DNAH12: variants seen among roughly 807,000 people sequenced by gnomAD.
The protein encoded by DNAH12 is dynein axonemal heavy chain 12.
In DNAH12, 285 loss-of-function variants were observed where a neutral mutation model predicts 371.5. The observed-to-expected ratio is 0.77, with a 90% CI of 0.70 to 0.85. The LOEUF (loss-of-function observed/expected upper bound fraction) is 0.85, where lower values mean the gene tolerates loss of function less well. Ranked by LOEUF, DNAH12 falls within the 40% of genes least tolerant of loss-of-function variation. The probability of loss-of-function intolerance (pLI) is 0.00; values close to 1 mark genes in which losing one functional copy is unlikely to be tolerated. For missense variants in DNAH12, 3,611 were observed against 3,689.4 expected (o/e 0.98, Z 0.55); for synonymous variants, 1,200 against 1,213.0 (o/e 0.99, Z 0.22).
intron 32 of DNAH12, among the ~76,000 whole-genome samples, chr3:57,432,995 T>C (rs1293734883): frequency 6.6e-6 from 1 of 152,174 alleles, no homozygotes; most frequent in Non-Finnish European, 1.5e-5. Flanking sequence ...ATATACTGTA[T>C]ATAAACGCTG....
At chr3:57,483,772 C>T (rs2066833964) in intron 12 of DNAH12, among the ~76,000 whole-genome samples, 1 of 149,352 alleles carries the variant, frequency 6.7e-6, no homozygotes, top group African/African-American at 2.5e-5. Context: ...GTGGTGAAAC[C>T]CTGTCTCTAC....
At chr3:57,524,873 T>C (rs558849518) in intron 2 of DNAH12, among the ~76,000 whole-genome samples, 17 of 152,118 alleles carry the variant, frequency 1.1e-4, no homozygotes, top group Non-Finnish European at 2.1e-4. Context: ...TCTGGAGAAG[T>C]GGATTGAAAT....
In DNAH12 at chr3:57,293,858, T is replaced by C. The variant is rs755810223; in HGVS notation, c.11806A>G (p.Met3936Val). The C allele has an allele frequency of 5.8e-6, 9 of 1,550,538 alleles. No homozygotes were observed. The highest frequency in any genetic ancestry group is 4.9e-5 in the East Asian group (2 of 40,886). The change falls in exon 74 of 74, where the codon ATG becomes GTG. Residue 3936 changes from methionine to valine, a missense_variant. Physicochemically the swap from Met to Val is conservative, Grantham distance 21 (BLOSUM62 1). This residue lies in a region of DNAH12 where 2,266 missense variants were observed against 2,236.9 expected (regional missense o/e 1.01). Transcript: ENST00000495027. ...GTAGGTTGGTCTGTTTTTAACAACA[T>C]TGCAATGACAAAGTTAGTAGAATGT... is the stretch of plus-strand genomic sequence containing the variant. Reference protein sequence around the residue: ...TGHSTNFVIAMLLKTDQPTRH... With the variant: ...TGHSTNFVIAVLLKTDQPTRH...
intron 69 of DNAH12, among the ~76,000 whole-genome samples, chr3:57,307,554 G>A (rs900181262): frequency 6.6e-6 from 1 of 152,184 alleles, no homozygotes; most frequent in African/African-American, 2.4e-5. Context: ...TACTTTTAGA[G>A]GCCCTTAAAA....
At chr3:57,413,327 C>T (rs552609957) in intron 39 of DNAH12, among the ~76,000 whole-genome samples, 1 of 152,126 alleles carries the variant, frequency 6.6e-6, no homozygotes, top group Admixed American at 6.5e-5. Context: ...AGGATCTTTA[C>T]AGCAGTGAAA....
intron 73 of DNAH12, among the ~76,000 whole-genome samples, chr3:57,294,444 G>A (rs762302900): frequency 3.3e-5 from 5 of 152,082 alleles, no homozygotes; most frequent in Admixed American, 2.0e-4. Context: ...CAAAGTGCTG[G>A]GATTACAGGC....
At chr3:57,324,965 T>C (rs1294796229) in intron 62 of DNAH12, among the ~76,000 whole-genome samples, 2 of 152,202 alleles carry the variant, frequency 1.3e-5, no homozygotes, top group Non-Finnish European at 2.9e-5. Context: ...GTCTCGCTGA[T>C]TGCTAGCACA....
chr3:57,535,441 A>G (rs2068998476), intron 2 of DNAH12, among the ~76,000 whole-genome samples: 1 of 152,234 alleles, frequency 6.6e-6, no homozygotes, highest in South Asian at 2.1e-4. Context: ...GTTATCACTC[A>G]GCAAGAAGGC....
At chr3:57,489,859 A>T (rs2067057964) in intron 11 of DNAH12, among the ~76,000 whole-genome samples, 172 bp from the exon 12 acceptor site, 1 of 151,932 alleles carries the variant, frequency 6.6e-6, no homozygotes, top group Admixed American at 6.6e-5. Flanking sequence ...CTATTCTTTC[A>T]TTAAGGAATT....
At chr3:57,551,802 C>CA in the DNAH12 span, among the ~76,000 whole-genome samples, 2 of 129,006 alleles carry the variant, frequency 1.6e-5, no homozygotes, top group Admixed American at 7.6e-5. Flanking sequence ...AACAAGACAT[C>CA]AAAAAAATGA....
At chr3:57,360,552 G>A (rs1424931348) in intron 58 of DNAH12, among the ~76,000 whole-genome samples, 1 of 152,016 alleles carries the variant, frequency 6.6e-6, no homozygotes, top group Non-Finnish European at 1.5e-5. Context: ...GCCGGGTGTG[G>A]TGGCTTATGC....
In DNAH12 at chr3:57,324,169, T is replaced by G. The variant is rs530891849; in HGVS notation, c.9979-550A>C. 2.6e-5 allele frequency among the ~76,000 whole-genome samples: 4 copies of G among 152,228 alleles called. No individual in the cohort carries two copies. The South Asian group carries it at 8.3e-4, about 31-fold the overall frequency. On this transcript the variant is annotated intron_variant, in intron 62 of 73. Coordinates refer to ENST00000495027, the MANE Select transcript of DNAH12 (RefSeq NM_001366028.2). Reference sequence around the variant, plus strand: ...GTAAGCATGAAAGAACCTGAGTTTCTGGGTGATCTCAGGAGCAAGAGCTTC... The same window carrying G: ...GTAAGCATGAAAGAACCTGAGTTTCGGGGTGATCTCAGGAGCAAGAGCTTC...
Position 57,454,902 on chromosome 3 carries a change from A to G in DNAH12, c.3337-8T>C. 1.3e-6 allele frequency: 2 copies of G among 1,531,760 alleles called. No homozygotes were observed. The highest frequency in any genetic ancestry group is 2.5e-5 in the South Asian group (2 of 79,464). 94.9% of individuals were successfully genotyped at this position (1,531,760 alleles called of 1,614,324 possible). Reference sequence around the variant, plus strand: ...TGCAGATTCTGGATAAGCCTGAACAATTAAAATAAATTTCTAACTTTAAAA... The same window carrying G: ...TGCAGATTCTGGATAAGCCTGAACAGTTAAAATAAATTTCTAACTTTAAAA... On this transcript the variant is annotated splice_region_variant and splice_polypyrimidine_tract_variant and intron_variant, in intron 22 of 73. Coordinates refer to ENST00000495027, the MANE Select transcript of DNAH12 (RefSeq NM_001366028.2).
At chr3:57,426,462 T>A (rs2153363952) in intron 34 of DNAH12, among the ~76,000 whole-genome samples, 1 of 151,560 alleles carries the variant, frequency 6.6e-6, no homozygotes, top group East Asian at 1.9e-4. Context: ...ACGGGAAGGG[T>A]GGGGCGAGGA....
intron 62 of DNAH12, among the ~76,000 whole-genome samples, chr3:57,325,429 C>T (rs2061919740): frequency 6.6e-6 from 1 of 152,228 alleles, no homozygotes; most frequent in Non-Finnish European, 1.5e-5. Flanking sequence ...AACCACTGTT[C>T]TGCAAACACC....
chr3:57,401,739 T>G (rs2063873361), intron 43 of DNAH12, among the ~76,000 whole-genome samples: 1 of 146,380 alleles, frequency 6.8e-6, no homozygotes. Context: ...GAATAGAAGA[T>G]CAATACAAAA....
chr3:57,373,545 T>A (rs1575516964), intron 55 of DNAH12, among the ~76,000 whole-genome samples: 1 of 151,878 alleles, frequency 6.6e-6, no homozygotes, highest in African/African-American at 2.4e-5. Flanking sequence ...AGGCTGGTCT[T>A]GAACTCCCGA....
intron 62 of DNAH12, among the ~76,000 whole-genome samples, chr3:57,330,277 G>A (rs1183477856): frequency 6.6e-5 from 10 of 151,038 alleles, no homozygotes; most frequent in South Asian, 4.2e-4. Context: ...TGTTTATTGC[G>A]GCACTATTCA....
chr3:57,327,786 G>A (rs143494133), intron 62 of DNAH12, among the ~76,000 whole-genome samples: 2,357 of 71,486 alleles, frequency 0.033, no homozygotes, highest in African/African-American at 0.047. Context: ...TTTTTTGAAA[G>A]GATCAACAAA....
Sources: allele counts gnomAD v4.1 joint callset (sites outside exome capture counted in the v4.1 genomes callset), GRCh38; gene constraint gnomAD v4.1.1; regional missense constraint gnomAD v4.1.1; transcripts MANE v1.5; gene names NCBI Gene and HGNC (gene_info 2026-07-23, HGNC 2026-07-21).